Variants in CDIN1 observed in about 807,000 individuals in gnomAD.
The protein encoded by CDIN1 is CDAN1 interacting nuclease 1, also known as CDAN1-interacting nuclease 1.
A neutral mutation model predicts 45.3 loss-of-function variants in CDIN1; 33 were observed. The observed-to-expected ratio is 0.73, with a 90% CI of 0.55 to 0.97. CDIN1 has a LOEUF of 0.97. CDIN1 is among the 50% of genes least tolerant of loss of function. The pLI, the probability that CDIN1 is intolerant of heterozygous loss-of-function variation, is 0.00. For synonymous variants in CDIN1, 118 were observed against 124.4 expected (o/e 0.95, Z 0.34); for missense variants, 303 against 339.4 (o/e 0.89, Z 0.84).
chr15:36,668,322 CTTTATAG>C (rs1335391100), intron 5 of CDIN1: 1 of 152,124 alleles, frequency 6.6e-6, no homozygotes, highest in African/African-American at 2.4e-5. Flanking sequence ...TTCAATAGAA[CTTTATAG>C]TTTATAAGAA....
intron 10 of CDIN1, among the ~76,000 whole-genome samples, chr15:36,742,958 G>C (rs2140944978): frequency 6.6e-6 from 1 of 152,316 alleles, no homozygotes; most frequent in South Asian, 2.1e-4. Context: ...AGACCCATGA[G>C]TTGAGTCATA....
At position 36,700,016 on chromosome 15, in the gene CDIN1, T is replaced by C. The variant is rs76462267; in HGVS notation, c.544+2626T>C. ...CATATTTATTCATTTATTCCACAAA[T>C]AAGTTACTAAGTTGGATACTGTTTT... On this transcript the variant is annotated intron_variant, in intron 8 of 10. Transcript: ENST00000566621. 2.1e-3 allele frequency among the ~76,000 whole-genome samples: 315 copies of C among 152,290 alleles called. 1 individual carries two copies. Among genetic ancestry groups the C allele is most frequent in the African/African-American group, 7.0e-3 (290 of 41,560 alleles).
intron 1 of CDIN1, chr15:36,613,911 T>C: frequency 6.4e-7 from 1 of 1,552,738 alleles, no homozygotes; most frequent in Non-Finnish European, 8.8e-7. Context: ...GAGAATGAGC[T>C]GAGCTGGCAG....
intron 1 of CDIN1, among the ~76,000 whole-genome samples, chr15:36,608,946 A>G (rs552381716): frequency 2.6e-5 from 4 of 151,536 alleles, no homozygotes; most frequent in African/African-American, 7.3e-5. Flanking sequence ...GTTTTACACA[A>G]ATCTCTGTGT....
chr15:36,755,547 A>G (rs886096781), intron 10 of CDIN1, among the ~76,000 whole-genome samples: 1 of 152,124 alleles, frequency 6.6e-6, no homozygotes, highest in African/African-American at 2.4e-5. Flanking sequence ...TGTAATATAC[A>G]TTAATTGCCC....
At chr15:36,688,521 A>G (rs1186370048) in intron 5 of CDIN1, among the ~76,000 whole-genome samples, 1 of 152,164 alleles carries the variant, frequency 6.6e-6, no homozygotes, top group Non-Finnish European at 1.5e-5. Flanking sequence ...TTTGTAGAAA[A>G]TTGTAATCCT....
intron 1 of CDIN1, chr15:36,641,570 G>A (rs2040109045): frequency 6.6e-6 from 1 of 152,004 alleles, no homozygotes; most frequent in African/African-American, 2.4e-5. Flanking sequence ...CTACATCCTG[G>A]GTATTTGGTA....
chr15:36,682,608 A>C (rs556241842), intron 5 of CDIN1, among the ~76,000 whole-genome samples: 12 of 151,240 alleles, frequency 7.9e-5, no homozygotes, highest in Non-Finnish European at 1.6e-4. Context: ...ACAAAAAAAA[A>C]AAAACAAAAA....
chr15:36,754,960 A>G (rs1566952123), intron 10 of CDIN1, among the ~76,000 whole-genome samples: 2 of 152,182 alleles, frequency 1.3e-5, no homozygotes, highest in Admixed American at 1.3e-4. Flanking sequence ...CACAACTTAA[A>G]CATTAAATTC....
chr15:36,796,422 T>C (rs949849423), intron 10 of CDIN1, among the ~76,000 whole-genome samples: 1 of 152,216 alleles, frequency 6.6e-6, no homozygotes, highest in Non-Finnish European at 1.5e-5. Flanking sequence ...ACTCTCGTTG[T>C]GCTTAGGAGG....
At chr15:36,682,071 G>A (rs974331811) in intron 5 of CDIN1, among the ~76,000 whole-genome samples, 7 of 151,636 alleles carry the variant, frequency 4.6e-5, no homozygotes, top group East Asian at 3.9e-4. Context: ...TAGGAGGGGT[G>A]TGTGTATGTG....
At chr15:36,671,277 C>G (rs2041439914) in intron 5 of CDIN1, among the ~76,000 whole-genome samples, 1 of 152,118 alleles carries the variant, frequency 6.6e-6, no homozygotes, top group African/African-American at 2.4e-5. Flanking sequence ...TGAGTCAGCA[C>G]TGGCATTGGC....
At chr15:36,629,745 T>C (rs924741072) in intron 1 of CDIN1, among the ~76,000 whole-genome samples, 1 of 152,204 alleles carries the variant, frequency 6.6e-6, no homozygotes, top group African/African-American at 2.4e-5. Flanking sequence ...AAACAAATTA[T>C]TGAATTTGAA....
intron 5 of CDIN1, among the ~76,000 whole-genome samples, chr15:36,666,535 G>C (rs1427956680): frequency 6.6e-6 from 1 of 152,146 alleles, no homozygotes; most frequent in African/African-American, 2.4e-5. Context: ...CTATTGTATA[G>C]ATCTCTGTTT....
At chr15:36,697,898 T>A (rs1018881558) in intron 8 of CDIN1, among the ~76,000 whole-genome samples, 2 of 152,174 alleles carry the variant, frequency 1.3e-5, no homozygotes, top group Admixed American at 1.3e-4. Flanking sequence ...TTCATGTGTT[T>A]GTGTATTACA....
intron 10 of CDIN1, among the ~76,000 whole-genome samples, chr15:36,759,202 C>A (rs1360262355): frequency 1.3e-5 from 2 of 152,082 alleles, no homozygotes; most frequent in African/African-American, 4.8e-5. Flanking sequence ...TGAGGAGTCA[C>A]AGAAGGAGTA....
At chr15:36,701,098 G>GTAGATAGA in intron 8 of CDIN1, among the ~76,000 whole-genome samples, 1 of 143,276 alleles carries the variant, frequency 7.0e-6, no homozygotes, top group South Asian at 2.3e-4. Context: ...AGGTAGGTAG[G>GTAGATAGA]TAGATAGATA....
intron 5 of CDIN1, among the ~76,000 whole-genome samples, chr15:36,662,100 T>C (rs1201496400): frequency 1.3e-5 from 2 of 152,338 alleles, no homozygotes; most frequent in Admixed American, 6.5e-5. Flanking sequence ...TATAAACTGA[T>C]GTTTTTGCTT....
intron 10 of CDIN1, among the ~76,000 whole-genome samples, chr15:36,757,739 G>A (rs1023107895): frequency 6.6e-6 from 1 of 152,068 alleles, no homozygotes; most frequent in Non-Finnish European, 1.5e-5. Context: ...AGGGTCATCT[G>A]AAGCAGATGA....
Sources: gnomAD v4.1 joint callset for allele counts (sites outside exome capture counted in the v4.1 genomes callset) on GRCh38, gnomAD v4.1.1 for gene constraint, MANE v1.5 for transcripts, NCBI Gene and HGNC (gene_info 2026-07-23, HGNC 2026-07-21) for gene names.